Variants in CCDC172 observed in about 807,000 individuals in gnomAD.
CCDC172 encodes coiled-coil domain-containing protein 172.
Under a neutral mutation model 38.0 loss-of-function variants are expected in CCDC172, and 30 were observed. The observed-to-expected ratio is 0.79, with a 90% CI of 0.59 to 1.07. The LOEUF is 1.07. Ranked by LOEUF, CCDC172 falls within the 50% of genes least tolerant of loss-of-function variation. The pLI, the probability that CCDC172 is intolerant of heterozygous loss-of-function variation, is 0.00. For missense variants in CCDC172, 297 were observed against 290.1 expected (o/e 1.02, Z -0.17); for synonymous variants, 78 against 88.3 (o/e 0.88, Z 0.66).
intron 7 of CCDC172, among the ~76,000 whole-genome samples, chr10:116,371,608 T>C (rs1287109477): frequency 6.6e-6 from 1 of 152,052 alleles, no homozygotes; most frequent in Non-Finnish European, 1.5e-5. Flanking sequence ...ATTTATATAG[T>C]TTTTGGATTA....
chr10:116,357,977 A>T (rs1845020095), intron 7 of CCDC172, 39 bp downstream of exon 7: 1 of 1,082,690 alleles, frequency 9.2e-7, no homozygotes, highest in Non-Finnish European at 1.4e-6. Context: ...AAATCAGGTA[A>T]TTTTTCAAGT....
chr10:116,354,319 G>A (rs577874215), intron 5 of CCDC172, among the ~76,000 whole-genome samples: 2 of 152,170 alleles, frequency 1.3e-5, no homozygotes, highest in East Asian at 1.9e-4. Flanking sequence ...ATTATTTAGA[G>A]TATATTCCTC....
At chr10:116,325,876 G>A (rs1331679863) in intron 3 of CCDC172, among the ~76,000 whole-genome samples, 1 of 152,170 alleles carries the variant, frequency 6.6e-6, no homozygotes, top group African/African-American at 2.4e-5. Context: ...CTTTCCTGCA[G>A]CGTTTGTAAT....
At chr10:116,355,637 T>C (rs565678119) in intron 5 of CCDC172, among the ~76,000 whole-genome samples, 2 of 152,150 alleles carry the variant, frequency 1.3e-5, no homozygotes, top group Non-Finnish European at 2.9e-5. Context: ...TATTCAGGCA[T>C]CAAATAAATG....
intron 4 of CCDC172, 75 bp from the exon 5 acceptor site, chr10:116,341,961 T>C (rs1589950376): frequency 1.0e-6 from 1 of 1,001,628 alleles, no homozygotes; most frequent in Non-Finnish European, 1.3e-6. Context: ...TTCCAAATTA[T>C]TATATTTTAA....
chr10:116,358,817 A>G (rs192175651), intron 7 of CCDC172, among the ~76,000 whole-genome samples: 1 of 150,848 alleles, frequency 6.6e-6, no homozygotes, highest in Non-Finnish European at 1.5e-5. Context: ...CTGCTCATTC[A>G]TTTTTTTTTG....
At chr10:116,327,427 CT>C (rs1778186944) in intron 3 of CCDC172, among the ~76,000 whole-genome samples, 1 of 151,774 alleles carries the variant, frequency 6.6e-6, no homozygotes, top group Non-Finnish European at 1.5e-5. Flanking sequence ...GGATATTGAC[CT>C]GATATAATAT....
At chr10:116,379,056 A>C (rs1845281672) in intron 8 of CCDC172, among the ~76,000 whole-genome samples, 1 of 152,148 alleles carries the variant, frequency 6.6e-6, no homozygotes, top group Non-Finnish European at 1.5e-5. Flanking sequence ...TTGCCATACT[A>C]CATTTTAGTG....
At chr10:116,337,475 A>G (rs1006991303) in intron 3 of CCDC172, among the ~76,000 whole-genome samples, 64 of 152,280 alleles carry the variant, frequency 4.2e-4, no homozygotes, top group African/African-American at 1.5e-3. Context: ...GTGTGCAAAT[A>G]TATTTTTTCA....
intron 7 of CCDC172, among the ~76,000 whole-genome samples, chr10:116,372,459 T>A (rs935993242): frequency 2.0e-5 from 3 of 152,126 alleles, no homozygotes; most frequent in Non-Finnish European, 4.4e-5. Flanking sequence ...CTATTTATAC[T>A]CAGTGCCTGC....
intron 7 of CCDC172, among the ~76,000 whole-genome samples, chr10:116,374,845 A>G (rs1363853785): frequency 6.6e-6 from 1 of 151,924 alleles, no homozygotes; most frequent in East Asian, 1.9e-4. Flanking sequence ...ACACAAATAT[A>G]TGGTTTCCAC....
At chr10:116,347,607 G>C (rs141243849) in intron 5 of CCDC172, among the ~76,000 whole-genome samples, 44 of 151,158 alleles carry the variant, frequency 2.9e-4, no homozygotes, top group African/African-American at 1.0e-3. Flanking sequence ...GAGAGGGAGA[G>C]CTTCACTCTG....
chr10:116,340,783 A>T lies in CCDC172; in HGVS notation c.215A>T (p.His72Leu), dbSNP rs746390087. 6.2e-7 allele frequency: 1 copy of T among 1,606,928 alleles called. No homozygotes were observed. Among genetic ancestry groups the T allele is most frequent in the South Asian group, 1.1e-5 (1 of 90,038 alleles). Residue 72 changes from histidine to leucine, a missense_variant, in exon 4 of 9, where the codon CAT (histidine) becomes CTT (leucine). Coordinates refer to ENST00000333254, the MANE Select transcript of CCDC172 (RefSeq NM_198515.3). ...TTCTTCTTACAGCTTTTGAAAGCTC[A>T]TGAAAATGCTTTAGAAAAACAGTAC... ...KSFFLQLLKA[H>L]ENALEKQYSE...
intron 3 of CCDC172, among the ~76,000 whole-genome samples, chr10:116,340,098 G>A (rs567390283): frequency 5.6e-4 from 85 of 151,984 alleles, no homozygotes; most frequent in African/African-American, 1.9e-3. Context: ...CTCAGGAGAT[G>A]TTATTTTTTA....
At chr10:116,354,246 T>C (rs567528256) in intron 5 of CCDC172, among the ~76,000 whole-genome samples, 1 of 152,336 alleles carries the variant, frequency 6.6e-6, no homozygotes, top group South Asian at 2.1e-4. Flanking sequence ...CAGTACATAA[T>C]ACTTGCTAAA....
intron 7 of CCDC172, among the ~76,000 whole-genome samples, chr10:116,363,127 A>G (rs1156430344): frequency 2.6e-5 from 4 of 151,890 alleles, no homozygotes; most frequent in Admixed American, 6.6e-5. Context: ...TTCTTTTTTC[A>G]TTTTCCTATG....
At chr10:116,350,324 T>G (rs1272198508) in intron 5 of CCDC172, among the ~76,000 whole-genome samples, 1 of 152,132 alleles carries the variant, frequency 6.6e-6, no homozygotes, top group Non-Finnish European at 1.5e-5. Context: ...TGATGAGCAG[T>G]TGGATCAGGG....
chr10:116,360,906 G>A (rs1845056039), intron 7 of CCDC172, among the ~76,000 whole-genome samples: 1 of 152,016 alleles, frequency 6.6e-6, no homozygotes, highest in Non-Finnish European at 1.5e-5. Flanking sequence ...ACATTCTCCA[G>A]TATCTGCTAT....
chr10:116,375,406 A>G (rs1845232753), intron 7 of CCDC172, among the ~76,000 whole-genome samples: 1 of 152,000 alleles, frequency 6.6e-6, no homozygotes, highest in Admixed American at 6.6e-5. Context: ...TCAACCCATC[A>G]TCTACATTAG....
Sources: allele counts gnomAD v4.1 joint callset (sites outside exome capture counted in the v4.1 genomes callset), GRCh38; gene constraint gnomAD v4.1.1; transcripts MANE v1.5; gene names NCBI Gene and HGNC (gene_info 2026-07-23, HGNC 2026-07-21).